Variants in ZBED6 observed in about 807,000 individuals in gnomAD.
The protein encoded by ZBED6 is zinc finger BED domain-containing protein 6.
Under a neutral mutation model 58.4 loss-of-function variants are expected in ZBED6, and 40 were observed. The ratio of observed to expected loss-of-function variants is 0.68; its 90% CI spans 0.53 to 0.89. ZBED6 has a LOEUF of 0.89. Ranked by LOEUF, ZBED6 falls within the 40% of genes least tolerant of loss-of-function variation. The probability of loss-of-function intolerance (pLI) is 0.00; values close to 1 mark genes in which losing one functional copy is unlikely to be tolerated. For synonymous variants in ZBED6, 439 were observed against 350.6 expected (o/e 1.25, Z -2.82); for missense variants, 1,057 against 1,003.9 (o/e 1.05, Z -0.71).
chr1:203,801,020 C>T (rs1318294540), exon 1 of ZBED6: 4 of 152,072 alleles, frequency 2.6e-5, no homozygotes, highest in Non-Finnish European at 5.9e-5. Flanking sequence ...GATAGTGTTA[C>T]CCTTTAGAAT....
At chr1:203,841,446 A>G (rs957036529) in intron 11 of ZBED6, among the ~76,000 whole-genome samples, 4 of 152,218 alleles carry the variant, frequency 2.6e-5, no homozygotes, top group African/African-American at 9.6e-5. Context: ...GACACAGCAC[A>G]TGTTTCAGAG....
chr1:203,820,972 A>G (rs954235356), intron 3 of ZBED6, among the ~76,000 whole-genome samples: 4 of 152,186 alleles, frequency 2.6e-5, no homozygotes, highest in Middle Eastern at 3.4e-3. Flanking sequence ...TCAGACTTCA[A>G]CTTTTTCCCC....
intron 14 of ZBED6, chr1:203,850,304 C>A: frequency 1.4e-6 from 1 of 705,854 alleles, no homozygotes; most frequent in Non-Finnish European, 2.4e-6. Flanking sequence ...GGAATGGTAA[C>A]AAATTTAAGT....
At chr1:203,852,219 C>T (rs1689484953) in exon 17 of ZBED6, 2 of 1,613,470 alleles carry the variant, frequency 1.2e-6, no homozygotes, top group African/African-American at 2.7e-5. Flanking sequence ...CCCAAATGAG[C>T]ATGAAAACTC....
intron 10 of ZBED6, among the ~76,000 whole-genome samples, chr1:203,839,138 A>G (rs1482374792): frequency 1.3e-5 from 2 of 152,136 alleles, no homozygotes; most frequent in Non-Finnish European, 2.9e-5. Context: ...AGGTAGTGGC[A>G]TAGATTTGGT....
exon 10 of ZBED6, chr1:203,837,974 A>G (rs759422080): frequency 4.3e-6 from 7 of 1,613,230 alleles, no homozygotes; most frequent in Admixed American, 1.7e-5. Context: ...AGGCGGTGAC[A>G]GTGATCCTCC....
chr1:203,848,266 A>T, intron 12 of ZBED6, 65 bp from the exon 13 acceptor site: 1 of 1,359,342 alleles, frequency 7.4e-7, no homozygotes, highest in South Asian at 1.2e-5. Flanking sequence ...AGTTTTGTTT[A>T]ACATATCTAT....
intron 3 of ZBED6, among the ~76,000 whole-genome samples, chr1:203,824,129 G>C (rs1292108912): frequency 6.6e-6 from 1 of 152,020 alleles, no homozygotes; most frequent in African/African-American, 2.4e-5. Flanking sequence ...TTAGTCGGGC[G>C]TGGTGACGCA....
chr1:203,838,117 CTT>C, intron 10 of ZBED6, 53 bp downstream of exon 10: 1 of 1,509,604 alleles, frequency 6.6e-7, no homozygotes, highest in Non-Finnish European at 9.1e-7. Context: ...ACACTTGTGT[CTT>C]GTAATGCTAA....
intron 1 of ZBED6, among the ~76,000 whole-genome samples, chr1:203,812,101 G>A (rs1431338382): frequency 6.6e-6 from 1 of 152,170 alleles, no homozygotes; most frequent in East Asian, 1.9e-4. Flanking sequence ...ACATGTATGA[G>A]TCACCACACT....
At chr1:203,812,610 C>T (rs1041811621) in intron 1 of ZBED6, among the ~76,000 whole-genome samples, 2 of 118,826 alleles carry the variant, frequency 1.7e-5, no homozygotes, top group Non-Finnish European at 3.3e-5. Flanking sequence ...GAGACGGAGT[C>T]TCACTCTGTT....
At chr1:203,799,904 C>G in exon 1 of ZBED6, 3 of 1,536,080 alleles carry the variant, frequency 2.0e-6, no homozygotes, top group Non-Finnish European at 2.6e-6. Context: ...ATAAGCAGTT[C>G]CTTGCAGAAG....
rs1279177268 is a variant in ZBED6, at chr1:203,831,651, C to T, written c.*3400-10C>T. 1 of 1,606,298 alleles carries T rather than the reference C, an allele frequency of 6.2e-7. No homozygotes were observed. The highest frequency in any genetic ancestry group is 1.7e-5 in the Admixed American group (1 of 59,334). On this transcript the variant is annotated splice_polypyrimidine_tract_variant and intron_variant, in intron 7 of 16. Transcript: ENST00000550078. ...AAATTATTTGCTGTTCTTTGACTTG[C>T]CTTATTCAGAGGGTTCTTCAGGAGT...
Position 203,850,689 on chromosome 1 carries a change from G to A in ZBED6, c.*4805+8G>A, listed in dbSNP as rs774784907. 3 of 1,612,660 alleles carry A rather than the reference G, an allele frequency of 1.9e-6. No individual in the cohort carries two copies. In the Admixed American group the frequency reaches 5.0e-5, roughly 27 times the overall value. On this transcript the variant is annotated splice_region_variant and intron_variant, in intron 15 of 16. Coordinates refer to ENST00000550078, the Ensembl canonical transcript of ZBED6. The stretch of plus-strand genomic sequence containing the variant: ...GCCAAAAAGGCAGCTGTGGTAAGAA[G>A]TATATTCACTTTGTGGTGCTTTATT...
At chr1:203,834,237 A>G (rs1683449070) in intron 9 of ZBED6, 1 of 252,356 alleles carries the variant, frequency 4.0e-6, no homozygotes, top group Non-Finnish European at 6.3e-6. Context: ...ATGTATATAT[A>G]AAATTTGAGT....
intron 10 of ZBED6, among the ~76,000 whole-genome samples, chr1:203,838,619 A>G (rs1685101154): frequency 6.6e-6 from 1 of 152,198 alleles, no homozygotes; most frequent in African/African-American, 2.4e-5. Context: ...CATGTTAGAA[A>G]GTTTGGACTT....
chr1:203,847,327 A>G, exon 12 of ZBED6: 1 of 1,614,008 alleles, frequency 6.2e-7, no homozygotes, highest in Non-Finnish European at 8.5e-7. Context: ...TTCAGGAGCA[A>G]GAAGCTCCTC....
At chr1:203,798,478 C>T (rs1669396259) in exon 1 of ZBED6, 5 of 1,536,110 alleles carry the variant, frequency 3.3e-6, no homozygotes, top group Non-Finnish European at 4.4e-6. Flanking sequence ...ATCCATTGGG[C>T]TGTTGCCAAC....
At chr1:203,797,998 G>T (rs1201404749) in exon 1 of ZBED6, 1 of 1,534,088 alleles carries the variant, frequency 6.5e-7, no homozygotes, top group Non-Finnish European at 8.7e-7. Context: ...AAAAGCGTCA[G>T]CAGGGGTAAA....
Sources: allele counts gnomAD v4.1 joint callset (sites outside exome capture counted in the v4.1 genomes callset), GRCh38; gene constraint gnomAD v4.1.1; transcripts MANE v1.5; gene names NCBI Gene and HGNC (gene_info 2026-07-23, HGNC 2026-07-21).